The following CNTN3 variants were observed in gnomAD, a reference collection of about 807,000 sequenced individuals.
CNTN3 encodes the protein contactin 3, also known as contactin-3.
A neutral mutation model predicts 119.1 loss-of-function variants in CNTN3; 60 were observed. The observed-to-expected ratio is 0.50, with a 90% CI of 0.41 to 0.62. The LOEUF (loss-of-function observed/expected upper bound fraction) is 0.62, where lower values mean the gene tolerates loss of function less well. Ranked by LOEUF, CNTN3 falls within the 20% of genes least tolerant of loss-of-function variation. CNTN3 has a pLI of 0.00. For synonymous variants in CNTN3, 450 were observed against 438.7 expected (o/e 1.03, Z -0.32); for missense variants, 1,101 against 1,242.4 (o/e 0.89, Z 1.71).
intron 8 of CNTN3, 109 bp from the exon 9 acceptor site, chr3:74,365,811 G>A: frequency 1.6e-6 from 2 of 1,230,056 alleles, no homozygotes; most frequent in Admixed American, 2.3e-5. Flanking sequence ...ACATGATAAT[G>A]AGTAACAGAT....
At chr3:74,407,774 T>C (rs1205995655) in intron 5 of CNTN3, among the ~76,000 whole-genome samples, 3 of 152,028 alleles carry the variant, frequency 2.0e-5, no homozygotes, top group Admixed American at 1.3e-4. Context: ...CCCACAAATA[T>C]ATATAAATAA....
At chr3:74,399,346 G>C (rs541399707) in intron 5 of CNTN3, among the ~76,000 whole-genome samples, 1 of 151,914 alleles carries the variant, frequency 6.6e-6, no homozygotes, top group African/African-American at 2.4e-5. Context: ...CCATCCATGT[G>C]ATCATTTGTT....
At chr3:74,449,149 C>G (rs1187520095) in intron 4 of CNTN3, among the ~76,000 whole-genome samples, 1 of 151,838 alleles carries the variant, frequency 6.6e-6, no homozygotes, top group Non-Finnish European at 1.5e-5. Flanking sequence ...AAAGAAATAT[C>G]TAAGTATTAT....
chr3:74,590,598 G>A (rs1242697977), intron 1 of CNTN3, among the ~76,000 whole-genome samples: 3 of 151,986 alleles, frequency 2.0e-5, no homozygotes, highest in Non-Finnish European at 4.4e-5. Flanking sequence ...ATATACCAGG[G>A]TCTTTAGAGG....
At chr3:74,305,759 G>C (rs985599744) in intron 13 of CNTN3, among the ~76,000 whole-genome samples, 1 of 150,774 alleles carries the variant, frequency 6.6e-6, no homozygotes, top group Non-Finnish European at 1.5e-5. Flanking sequence ...GTCATCTTCT[G>C]TTTCTGTTTT....
intron 11 of CNTN3, among the ~76,000 whole-genome samples, chr3:74,350,493 C>T (rs1390070444): frequency 4.6e-5 from 7 of 152,070 alleles, no homozygotes; most frequent in Non-Finnish European, 8.8e-5. Flanking sequence ...TAGTTCAATC[C>T]TTATGGAGAA....
At chr3:74,401,325 A>G (rs554333544) in intron 5 of CNTN3, among the ~76,000 whole-genome samples, 48 of 152,284 alleles carry the variant, frequency 3.2e-4, no homozygotes, top group Non-Finnish European at 7.4e-5. Context: ...TACTGTAACA[A>G]AACTAGTTTT....
intron 1 of CNTN3, among the ~76,000 whole-genome samples, chr3:74,553,011 C>T (rs963580050): frequency 3.3e-5 from 5 of 152,202 alleles, no homozygotes; most frequent in South Asian, 4.2e-4. Context: ...TAGGTATACA[C>T]GTGCCATGGT....
chr3:74,497,587 A>G lies in CNTN3; in HGVS notation c.182+2072T>C, dbSNP rs554671919. Among the ~76,000 whole-genome samples, 200 of 152,018 alleles carry G rather than the reference A, an allele frequency of 1.3e-3. 1 individual carries two copies. Among genetic ancestry groups the G allele is most frequent in the African/African-American group, 4.5e-3 (189 of 41,546 alleles). ...AAGTGAAATTTTATATTGGTTAGAA[A>G]TCTTAATTTTAGAAAATTTTTAAAG... On this transcript the variant is annotated intron_variant, in intron 3 of 22. Transcript: ENST00000263665.
In CNTN3 at chr3:74,325,878, C is replaced by T. The variant is rs115362807; in HGVS notation, c.1668+8857G>A. Among the ~76,000 whole-genome samples, 935 of 152,214 alleles carry T rather than the reference C, an allele frequency of 6.1e-3. 4 individuals carry two copies. The highest frequency in any genetic ancestry group is 0.022 in the African/African-American group (899 of 41,554). On this transcript the variant is annotated intron_variant, in intron 13 of 22. Coordinates refer to ENST00000263665, the MANE Select transcript of CNTN3 (RefSeq NM_020872.3). ...CCAATCTGATCTACTAATTTCCTAT[C>T]TGAGCTAATACCCCCAGAATATTCT...
chr3:74,527,723 C>T (rs563611181), intron 1 of CNTN3, among the ~76,000 whole-genome samples: 2 of 152,014 alleles, frequency 1.3e-5, no homozygotes, highest in Admixed American at 1.3e-4. Context: ...TTGCTTTAAA[C>T]CTCAAATTAA....
chr3:74,582,866 A>C (rs1704536950), intron 1 of CNTN3, among the ~76,000 whole-genome samples: 1 of 152,094 alleles, frequency 6.6e-6, no homozygotes, highest in African/African-American at 2.4e-5. Context: ...AGAGAAAAGA[A>C]AACATATCCA....
At chr3:74,289,379 G>A (rs893826122) in intron 19 of CNTN3, among the ~76,000 whole-genome samples, 7 of 152,204 alleles carry the variant, frequency 4.6e-5, no homozygotes, top group African/African-American at 7.2e-5. Context: ...ACAGGCAAGC[G>A]GCAATGCATT....
intron 2 of CNTN3, among the ~76,000 whole-genome samples, chr3:74,506,382 T>C (rs1703259094): frequency 6.6e-6 from 1 of 152,136 alleles, no homozygotes; most frequent in Non-Finnish European, 1.5e-5. Context: ...AAATGTTCTT[T>C]ATAGTTGAAT....
At chr3:74,337,077 T>C (rs1206376907) in intron 11 of CNTN3, among the ~76,000 whole-genome samples, 2 of 152,068 alleles carry the variant, frequency 1.3e-5, no homozygotes, top group African/African-American at 4.8e-5. Flanking sequence ...TTTGAAACAG[T>C]ATATGAGAAA....
At chr3:74,375,754 C>T (rs1704462013) in intron 5 of CNTN3, among the ~76,000 whole-genome samples, 1 of 152,144 alleles carries the variant, frequency 6.6e-6, no homozygotes, top group Non-Finnish European at 1.5e-5. Context: ...CAGATTGCCT[C>T]CTTGAAACTC....
At chr3:74,571,721 A>G (rs1172951633) in intron 1 of CNTN3, among the ~76,000 whole-genome samples, 1 of 152,202 alleles carries the variant, frequency 6.6e-6, no homozygotes, top group Non-Finnish European at 1.5e-5. Context: ...ATTTATTTAG[A>G]TTACATATAT....
chr3:74,543,765 A>T (rs1703874411), intron 1 of CNTN3, among the ~76,000 whole-genome samples: 1 of 152,140 alleles, frequency 6.6e-6, no homozygotes, highest in Non-Finnish European at 1.5e-5. Context: ...GCCATAAATG[A>T]CTTCACAGCC....
At chr3:74,530,131 C>T (rs989773436) in intron 1 of CNTN3, among the ~76,000 whole-genome samples, 2 of 151,940 alleles carry the variant, frequency 1.3e-5, no homozygotes, top group African/African-American at 4.8e-5. Flanking sequence ...AAAATAAATT[C>T]ATGTCTTCAA....
Sources: gnomAD v4.1 joint callset for allele counts (sites outside exome capture counted in the v4.1 genomes callset) on GRCh38, gnomAD v4.1.1 for gene constraint, MANE v1.5 for transcripts, NCBI Gene and HGNC (gene_info 2026-07-23, HGNC 2026-07-21) for gene names.